NELL1: variants seen among roughly 807,000 people sequenced by gnomAD.
NELL1 encodes protein kinase C-binding protein NELL1.
A neutral mutation model predicts 107.4 loss-of-function variants in NELL1; 76 were observed. The ratio of observed to expected loss-of-function variants is 0.71; its 90% CI spans 0.59 to 0.86. NELL1 has a LOEUF of 0.86. Ranked by LOEUF, NELL1 falls within the 40% of genes least tolerant of loss-of-function variation. The probability of loss-of-function intolerance (pLI) is 0.00; values close to 1 mark genes in which losing one functional copy is unlikely to be tolerated. For synonymous variants in NELL1, 353 were observed against 341.2 expected (o/e 1.03, Z -0.38); for missense variants, 1,024 against 1,005.5 (o/e 1.02, Z -0.25).
chr11:20,793,245 T>C (rs960959000), intron 3 of NELL1, among the ~76,000 whole-genome samples: 1 of 152,032 alleles, frequency 6.6e-6, no homozygotes, highest in Non-Finnish European at 1.5e-5. Flanking sequence ...GATCAATTTA[T>C]GTTTTTAAGA....
Position 20,834,542 on chromosome 11 carries a change from C to A in NELL1, c.336-13041C>A, listed in dbSNP as rs563573616. On this transcript the variant is annotated intron_variant, in intron 3 of 19. Transcript: ENST00000357134. ...ATGGTGAAACCCCATCTCTACTAAA[C>A]ATACAAAAAAATTAGCTGGGTGTGG... Among the ~76,000 whole-genome samples the A allele has an allele frequency of 2.4e-3, 363 of 151,682 alleles. 1 individual carries two copies. The highest frequency in any genetic ancestry group is 8.5e-3 in the African/African-American group (353 of 41,406).
At chr11:21,198,815 T>C (rs1332781002) in intron 13 of NELL1, among the ~76,000 whole-genome samples, 1 of 152,134 alleles carries the variant, frequency 6.6e-6, no homozygotes, top group Non-Finnish European at 1.5e-5. Context: ...TACAATCCTT[T>C]CATGAAGGGT....
At chr11:21,212,304 G>A (rs368197697) in intron 13 of NELL1, among the ~76,000 whole-genome samples, 2 of 152,262 alleles carry the variant, frequency 1.3e-5, no homozygotes, top group East Asian at 3.9e-4. Context: ...CATATAGTAT[G>A]AGCATAATAA....
intron 14 of NELL1, among the ~76,000 whole-genome samples, chr11:21,324,969 A>G (rs772331484): frequency 2.6e-4 from 40 of 150,948 alleles, no homozygotes; most frequent in Non-Finnish European, 2.4e-4. Flanking sequence ...TTACTTTCCA[A>G]CCTCCCCCCA....
chr11:21,476,682 C>T (rs1854342437), intron 15 of NELL1, among the ~76,000 whole-genome samples: 1 of 152,130 alleles, frequency 6.6e-6, no homozygotes, highest in South Asian at 2.1e-4. Flanking sequence ...CTGAAAAAGG[C>T]ACTGAAAGAG....
At chr11:21,078,920 T>C (rs10833457) in intron 12 of NELL1, among the ~76,000 whole-genome samples, 11,305 of 151,974 alleles carry the variant, frequency 0.074, 595 homozygotes, top group South Asian at 0.22. Flanking sequence ...AAATATAAAA[T>C]AATAAAATAT....
chr11:21,114,242 C>T (rs996558677), intron 13 of NELL1, among the ~76,000 whole-genome samples: 9 of 151,914 alleles, frequency 5.9e-5, no homozygotes, highest in African/African-American at 1.9e-4. Context: ...CTACAGTGGT[C>T]ACTGACTCTG....
chr11:20,912,411 A>AT (rs1393385281), intron 5 of NELL1, among the ~76,000 whole-genome samples: 8 of 152,136 alleles, frequency 5.3e-5, no homozygotes, highest in African/African-American at 1.9e-4. Flanking sequence ...CATTATCAGG[A>AT]TGGTTGATTA....
intron 14 of NELL1, among the ~76,000 whole-genome samples, chr11:21,329,867 C>G (rs1850232670): frequency 6.6e-6 from 1 of 152,046 alleles, no homozygotes; most frequent in Non-Finnish European, 1.5e-5. Context: ...TCTGTTTTCT[C>G]TTCTTCTTTG....
At chr11:21,296,996 A>AT (rs887355599) in intron 14 of NELL1, among the ~76,000 whole-genome samples, 3 of 151,178 alleles carry the variant, frequency 2.0e-5, no homozygotes, top group Non-Finnish European at 3.0e-5. Context: ...TTGGTCTAGA[A>AT]TTTTTTTTCA....
intron 15 of NELL1, among the ~76,000 whole-genome samples, chr11:21,478,499 C>T (rs1336994869): frequency 6.6e-6 from 1 of 152,068 alleles, no homozygotes; most frequent in Non-Finnish European, 1.5e-5. Context: ...TCCCTGGGAG[C>T]CTGTAAAATC....
chr11:21,451,603 A>G (rs1272299037), intron 15 of NELL1, among the ~76,000 whole-genome samples: 1 of 152,220 alleles, frequency 6.6e-6, no homozygotes, highest in East Asian at 1.9e-4. Flanking sequence ...TTCCTGAGAA[A>G]TAGAATCAGG....
chr11:21,309,312 A>AAT lies in NELL1; in HGVS notation c.1550-61528_1550-61527dup, dbSNP rs1296722986. Among the ~76,000 whole-genome samples the AAT allele has an allele frequency of 4.1e-4, 53 of 129,984 alleles. 1 individual carries two copies. The highest frequency in any genetic ancestry group is 8.8e-4 in the East Asian group (4 of 4,540). The allele number at this position is 129,984 out of a possible 152,430, so 85.3% of individuals were successfully genotyped here. A position where few individuals can be genotyped will look rare whatever the true frequency, so the allele number is the denominator to read the frequency against. On this transcript the variant is annotated intron_variant, in intron 14 of 19. Coordinates refer to ENST00000357134, the MANE Select transcript of NELL1 (RefSeq NM_006157.5). Reference sequence around the variant, plus strand: ...TATATATATATATGTATATATATATAATATATATATATATTTCCTGAATAT... The same window carrying AAT: ...TATATATATATATGTATATATATATAATATATATATATATATTTCCTGAATAT...
At chr11:21,264,963 G>T (rs1368948615) in intron 14 of NELL1, among the ~76,000 whole-genome samples, 2 of 151,980 alleles carry the variant, frequency 1.3e-5, no homozygotes, top group African/African-American at 4.8e-5. Context: ...CTCCTAGATA[G>T]GGAGAAAGAT....
At chr11:21,194,427 T>G (rs1298719580) in intron 13 of NELL1, among the ~76,000 whole-genome samples, 2 of 151,846 alleles carry the variant, frequency 1.3e-5, no homozygotes, top group Admixed American at 1.3e-4. Flanking sequence ...GGAAGAGATT[T>G]TTAAAATGCA....
At position 21,403,216 on chromosome 11, in the gene NELL1, G is replaced by T. The variant is rs992226964; in HGVS notation, c.1645+32268G>T. On this transcript the variant is annotated intron_variant, in intron 15 of 19. Transcript: ENST00000357134. ...TTCAATCTTTACTGTATTGAAGGGG[G>T]TTCTTTTCTGGAGTTTTATTAATAT... 4.6e-5 allele frequency among the ~76,000 whole-genome samples: 7 copies of T among 151,614 alleles called. No individual in the cohort carries two copies. In the East Asian group the frequency reaches 1.4e-3, roughly 30 times the overall value.
rs182675886 is a variant in NELL1, at chr11:20,856,989, G to A, written c.506+9236G>A. Among the ~76,000 whole-genome samples, 4 of 152,358 alleles carry A rather than the reference G, an allele frequency of 2.6e-5. No homozygotes were observed. The East Asian group carries it at 7.7e-4, about 29-fold the overall frequency. On this transcript the variant is annotated intron_variant, in intron 4 of 19. Coordinates refer to ENST00000357134, the MANE Select transcript of NELL1 (RefSeq NM_006157.5). ...CAGACATCTGGGCCAGAGTGACTCA[G>A]TGAGTTTGGAGTACAGGTGCATAAC...
At chr11:21,015,165 T>C (rs1852536946) in intron 12 of NELL1, among the ~76,000 whole-genome samples, 1 of 152,072 alleles carries the variant, frequency 6.6e-6, no homozygotes, top group Non-Finnish European at 1.5e-5. Context: ...AGTGCTCAAT[T>C]TTCTTGCAGC....
intron 14 of NELL1, among the ~76,000 whole-genome samples, chr11:21,273,172 G>A (rs1340271463): frequency 2.6e-5 from 4 of 152,118 alleles, no homozygotes; most frequent in Admixed American, 6.6e-5. Context: ...TTAGACGAAT[G>A]GCTAACTAGA....
Sources: allele counts gnomAD v4.1 joint callset (sites outside exome capture counted in the v4.1 genomes callset), GRCh38; gene constraint gnomAD v4.1.1; transcripts MANE v1.5; gene names NCBI Gene and HGNC (gene_info 2026-07-23, HGNC 2026-07-21).